Variants in REDIC1 observed in about 807,000 individuals in gnomAD.
REDIC1 encodes HEI10 Interacting Protein 1.
the REDIC1 span, among the ~76,000 whole-genome samples, chr12:39,842,030 C>A: frequency 6.6e-6 from 1 of 151,988 alleles, no homozygotes; most frequent in African/African-American, 2.4e-5. Context: ...TTTTATTTCC[C>A]TTTTTACAGA....
At chr12:39,815,653 A>G in the REDIC1 span, among the ~76,000 whole-genome samples, 1 of 152,242 alleles carries the variant, frequency 6.6e-6, no homozygotes, top group Non-Finnish European at 1.5e-5. Flanking sequence ...ATTATTGGTT[A>G]TAGAAAAAGC....
chr12:39,882,253 AG>A, the REDIC1 span, among the ~76,000 whole-genome samples: 1 of 152,198 alleles, frequency 6.6e-6, no homozygotes, highest in Non-Finnish European at 1.5e-5. Flanking sequence ...CAAGACTATT[AG>A]GCCCTGTCCC....
the REDIC1 span, chr12:39,864,990 T>A: frequency 9.6e-7 from 1 of 1,045,874 alleles, no homozygotes; most frequent in Non-Finnish European, 1.3e-6. Flanking sequence ...CAAAAACTCC[T>A]GAAAAAAAAA....
At chr12:39,669,291 G>T in the REDIC1 span, among the ~76,000 whole-genome samples, 1 of 152,176 alleles carries the variant, frequency 6.6e-6, no homozygotes, top group Admixed American at 6.5e-5. Flanking sequence ...CTCAGCTGCA[G>T]GTCTGTTGGA....
chr12:39,878,609 C>T, the REDIC1 span, among the ~76,000 whole-genome samples: 3,129 of 152,216 alleles, frequency 0.021, 40 homozygotes, highest in Non-Finnish European at 0.032. Context: ...CAAGAAGTCG[C>T]CTGTCTGCTT....
At chr12:39,760,367 GAAATGGACCA>G in the REDIC1 span, 1 of 828,380 alleles carries the variant, frequency 1.2e-6, no homozygotes, top group Non-Finnish European at 1.8e-6. Flanking sequence ...ATCACAGTAT[GAAATGGACCA>G]AAAAATTACT....
the REDIC1 span, among the ~76,000 whole-genome samples, chr12:39,871,630 T>G: frequency 2.9e-3 from 442 of 152,172 alleles, 4 homozygotes; most frequent in African/African-American, 9.7e-3. Flanking sequence ...GTAACAGTTG[T>G]TAAAAGCTCT....
At chr12:39,678,467 A>C in the REDIC1 span, among the ~76,000 whole-genome samples, 1 of 152,032 alleles carries the variant, frequency 6.6e-6, no homozygotes, top group African/African-American at 2.4e-5. Flanking sequence ...ACAAAAAAAA[A>C]GTCCGGGACC....
At chr12:39,895,733 C>T in the REDIC1 span, among the ~76,000 whole-genome samples, 59 of 26,334 alleles carry the variant, frequency 2.2e-3, 7 homozygotes, top group African/African-American at 2.9e-3. Flanking sequence ...TGCGTGTATA[C>T]GTACACACAT....
At chr12:39,816,178 GATCT>G in the REDIC1 span, among the ~76,000 whole-genome samples, 1 of 152,048 alleles carries the variant, frequency 6.6e-6, no homozygotes, top group Non-Finnish European at 1.5e-5. Context: ...TTCTGGGTTG[GATCT>G]ACGCTAGTTA....
At chr12:39,713,068 TACACGTGC>T in the REDIC1 span, among the ~76,000 whole-genome samples, 1 of 147,610 alleles carries the variant, frequency 6.8e-6, no homozygotes, top group African/African-American at 2.5e-5. Context: ...TATATGTGTA[TACACGTGC>T]ATACGTGTAT....
the REDIC1 span, chr12:39,640,983 A>G: frequency 6.2e-7 from 1 of 1,610,342 alleles, no homozygotes; most frequent in Non-Finnish European, 8.5e-7. Flanking sequence ...GCAGGAAAGA[A>G]GAAAGCAAAA....
At chr12:39,905,960 T>C in the REDIC1 span, among the ~76,000 whole-genome samples, 1 of 152,130 alleles carries the variant, frequency 6.6e-6, no homozygotes, top group African/African-American at 2.4e-5. Context: ...GTATAAAAAG[T>C]ATATTCCTAA....
the REDIC1 span, among the ~76,000 whole-genome samples, chr12:39,637,565 T>C: frequency 6.6e-6 from 1 of 152,042 alleles, no homozygotes; most frequent in Non-Finnish European, 1.5e-5. Flanking sequence ...GGAAGTCATA[T>C]CCCTAAATGA....
chr12:39,856,257 CCATT>C, the REDIC1 span, among the ~76,000 whole-genome samples: 29 of 152,260 alleles, frequency 1.9e-4, no homozygotes, highest in African/African-American at 6.7e-4. Flanking sequence ...ATCCATCCAT[CCATT>C]CATCCATCCA....
the REDIC1 span, among the ~76,000 whole-genome samples, chr12:39,760,947 C>T: frequency 6.7e-6 from 1 of 148,768 alleles, no homozygotes; most frequent in Admixed American, 6.7e-5. Context: ...AAACCTGTCT[C>T]TACCAAACAC....
the REDIC1 span, among the ~76,000 whole-genome samples, chr12:39,809,281 T>C: frequency 3.3e-5 from 5 of 152,222 alleles, no homozygotes; most frequent in African/African-American, 1.2e-4. Flanking sequence ...TATGTCTATT[T>C]TACCAACATC....
the REDIC1 span, among the ~76,000 whole-genome samples, chr12:39,863,275 C>T: frequency 2.6e-5 from 4 of 152,126 alleles, no homozygotes; most frequent in Non-Finnish European, 5.9e-5. Context: ...GTGAGATATA[C>T]TTGGGCAATA....
chr12:39,681,655 A>G, the REDIC1 span, among the ~76,000 whole-genome samples: 1 of 152,166 alleles, frequency 6.6e-6, no homozygotes, highest in Non-Finnish European at 1.5e-5. Context: ...TAAGGCCCTC[A>G]TTGAGAAACA....
Sources: allele counts gnomAD v4.1 joint callset (sites outside exome capture counted in the v4.1 genomes callset), GRCh38; gene constraint gnomAD v4.1.1; transcripts MANE v1.5; gene names NCBI Gene and HGNC (gene_info 2026-07-23, HGNC 2026-07-21).